ATP9B: variants seen among roughly 807,000 people sequenced by gnomAD.
The protein encoded by ATP9B is ATPase phospholipid transporting 9B.
A neutral mutation model predicts 146.1 loss-of-function variants in ATP9B; 110 were observed. That is an observed-to-expected ratio of 0.75 (90% CI 0.65 to 0.88). ATP9B has a LOEUF of 0.88. Ranked by LOEUF, ATP9B falls within the 40% of genes least tolerant of loss-of-function variation. ATP9B has a pLI of 0.00. For synonymous variants in ATP9B, 604 were observed against 569.7 expected, an observed-to-expected ratio of 1.06 and a Z score of -0.86; for missense variants, 1,499 against 1,496.4, an observed-to-expected ratio of 1.00 and a Z score of -0.03.
intron 7 of ATP9B, among the ~76,000 whole-genome samples, chr18:79,170,744 G>A (rs1274951650): frequency 6.6e-6 from 1 of 152,184 alleles, no homozygotes; most frequent in African/African-American, 2.4e-5. Flanking sequence ...TCTCTCTCCT[G>A]CATGTCAGAT....
chr18:79,071,832 G>GAAGTTT (rs35273129), intron 1 of ATP9B, among the ~76,000 whole-genome samples: 1 of 149,494 alleles, frequency 6.7e-6, no homozygotes, highest in Non-Finnish European at 1.5e-5. Flanking sequence ...TTAGTTTTCA[G>GAAGTTT]AAGTTTAATT....
At chr18:79,073,277 C>A (rs1450672495) in intron 1 of ATP9B, among the ~76,000 whole-genome samples, 1 of 152,142 alleles carries the variant, frequency 6.6e-6, no homozygotes, top group South Asian at 2.1e-4. Flanking sequence ...CCAAGGCAGG[C>A]GGCTGGGAAG....
At chr18:79,181,652 A>G (rs1003351642) in intron 8 of ATP9B, among the ~76,000 whole-genome samples, 1 of 152,046 alleles carries the variant, frequency 6.6e-6, no homozygotes, top group East Asian at 1.9e-4. Context: ...CTCTGTCATT[A>G]AATTCACTAA....
intron 7 of ATP9B, among the ~76,000 whole-genome samples, chr18:79,160,137 TGTG>T (rs1568302309): frequency 6.6e-6 from 1 of 152,254 alleles, no homozygotes; most frequent in Non-Finnish European, 1.5e-5. Context: ...TATTTTCTAA[TGTG>T]GTGTTTTAAT....
intron 4 of ATP9B, among the ~76,000 whole-genome samples, chr18:79,122,424 A>G (rs1003058505): frequency 6.6e-6 from 1 of 152,208 alleles, no homozygotes; most frequent in African/African-American, 2.4e-5. Context: ...TATATTTACA[A>G]TGCTATTGTC....
At chr18:79,221,905 A>G (rs2095683014) in intron 11 of ATP9B, among the ~76,000 whole-genome samples, 1 of 131,182 alleles carries the variant, frequency 7.6e-6, no homozygotes, top group African/African-American at 2.9e-5. Context: ...ATTTTGGCCA[A>G]TTTTGTTCTT....
chr18:79,103,680 A>G (rs1410987933), intron 2 of ATP9B, among the ~76,000 whole-genome samples: 1 of 152,106 alleles, frequency 6.6e-6, no homozygotes, highest in African/African-American at 2.4e-5. Flanking sequence ...AAAATGGGAA[A>G]ATTTGGTCAC....
chr18:79,323,255 G>A (rs1373580570), intron 15 of ATP9B, among the ~76,000 whole-genome samples: 1 of 152,156 alleles, frequency 6.6e-6, no homozygotes, highest in Non-Finnish European at 1.5e-5. Context: ...CTTCGTGTTA[G>A]TAATCCTCTG....
intron 25 of ATP9B, among the ~76,000 whole-genome samples, chr18:79,349,441 T>C (rs1285611290): frequency 6.6e-6 from 1 of 152,134 alleles, no homozygotes; most frequent in Admixed American, 6.5e-5. Context: ...CAGACCTGAG[T>C]TGTCAGGGGC....
chr18:79,321,502 C>G (rs1208191292), intron 15 of ATP9B, among the ~76,000 whole-genome samples: 2 of 152,074 alleles, frequency 1.3e-5, no homozygotes, highest in Non-Finnish European at 2.9e-5. Flanking sequence ...CCTGCCTCAG[C>G]CCCCCAAATA....
At chr18:79,206,290 T>C (rs1021369726) in intron 9 of ATP9B, among the ~76,000 whole-genome samples, 2 of 152,208 alleles carry the variant, frequency 1.3e-5, no homozygotes, top group Non-Finnish European at 2.9e-5. Flanking sequence ...ATTTTTAAAA[T>C]ATATGTTTAT....
In ATP9B at chr18:79,307,241, C is replaced by CA; in HGVS notation, c.1773+10dup. On this transcript the variant is annotated splice_region_variant and intron_variant, in intron 15 of 29. Transcript: ENST00000426216. ...GGCTTCCAGCCCGGATGAGGTCAGTCAAAGCACAAAACCGTGGGAGCTTGT... is the reference window on the plus strand; with the variant it reads ...GGCTTCCAGCCCGGATGAGGTCAGTCAAAAGCACAAAACCGTGGGAGCTTGT... 4.3e-6 allele frequency: 7 copies of CA among 1,613,978 alleles called. No homozygotes were observed. The highest frequency in any genetic ancestry group is 5.9e-6 in the Non-Finnish European group (7 of 1,179,916).
chr18:79,126,246 A>G (rs1427769446), intron 4 of ATP9B, 21 bp from the exon 5 acceptor site: 3 of 1,565,174 alleles, frequency 1.9e-6, no homozygotes, highest in African/African-American at 1.4e-5. Flanking sequence ...TTTTCTAAAA[A>G]TACCTTATTT....
At chr18:79,099,016 C>G (rs2075048431) in intron 2 of ATP9B, among the ~76,000 whole-genome samples, 1 of 152,018 alleles carries the variant, frequency 6.6e-6, no homozygotes, top group South Asian at 2.1e-4. Context: ...GTGTTTGATT[C>G]CTGTTTGATT....
intron 25 of ATP9B, among the ~76,000 whole-genome samples, chr18:79,354,917 T>G (rs1446575699): frequency 6.6e-6 from 1 of 152,104 alleles, no homozygotes; most frequent in African/African-American, 2.4e-5. Flanking sequence ...TGATCGTCAC[T>G]CTACTCCAGC....
chr18:79,133,824 G>T (rs980760213), intron 5 of ATP9B, among the ~76,000 whole-genome samples: 1 of 152,106 alleles, frequency 6.6e-6, no homozygotes, highest in African/African-American at 2.4e-5. Context: ...TCTGCCCCCC[G>T]CAGCCTTTGA....
intron 17 of ATP9B, chr18:79,332,963 A>C (rs1161521879): frequency 2.0e-5 from 3 of 152,280 alleles, no homozygotes; most frequent in African/African-American, 7.2e-5. Context: ...CGTCAAATAC[A>C]ATCAACTGGA....
chr18:79,261,592 G>A (rs146017625), intron 12 of ATP9B, among the ~76,000 whole-genome samples: 1 of 152,080 alleles, frequency 6.6e-6, no homozygotes, highest in African/African-American at 2.4e-5. Flanking sequence ...AGCTCTGCCT[G>A]CACCTTCCAG....
chr18:79,121,101 A>T (rs576293043), intron 4 of ATP9B, among the ~76,000 whole-genome samples: 1 of 152,330 alleles, frequency 6.6e-6, no homozygotes, highest in African/African-American at 2.4e-5. Flanking sequence ...TAAAAGGGGT[A>T]ACTCATTTAG....
Sources: gnomAD v4.1 joint callset for allele counts (sites outside exome capture counted in the v4.1 genomes callset) on GRCh38, gnomAD v4.1.1 for gene constraint, MANE v1.5 for transcripts, NCBI Gene and HGNC (gene_info 2026-07-23, HGNC 2026-07-21) for gene names.